Variants in ZNF366 observed in about 807,000 individuals in gnomAD.
ZNF366 encodes dendritic cell-specific transcript protein.
Under a neutral mutation model 47.2 loss-of-function variants are expected in ZNF366, and 20 were observed. The ratio of observed to expected loss-of-function variants is 0.42; its 90% confidence interval spans 0.30 to 0.62. The LOEUF (loss-of-function observed/expected upper bound fraction) is 0.62. Among genes scored for constraint, ZNF366 ranks in the 20% least tolerant of loss-of-function variants. ZNF366 has a pLI of 0.16. For missense variants in ZNF366, 987 were observed against 976.3 expected, an observed-to-expected ratio of 1.01 and a Z score of -0.15; for synonymous variants, 421 against 395.1, an observed-to-expected ratio of 1.07 and a Z score of -0.78.
rs754389356 is a variant in ZNF366 at position 72,444,083 on chromosome 5, G to C, written c.1908C>G (p.Ala636=). The C allele has an allele frequency of 1.2e-6, 2 of 1,614,152 alleles. No individual in the cohort carries two copies. The highest frequency in any genetic ancestry group is 1.7e-6 in the Non-Finnish European group (2 of 1,180,028). The change falls in exon 5 of 5, where the codon GCC becomes GCG. Residue 636 remains alanine, a synonymous_variant. Coordinates refer to ENST00000318442, the MANE Select transcript of ZNF366 (RefSeq NM_152625.3). The part of the protein sequence containing the change: ...YEVEPYSPGL[A]PQSQQLCTPE... ...GTGTGCAGAGCTGCTGGCTCTGGGG[G>C]GCCAGGCCAGGGCTGTAGGGCTCCA...
At chr5:72,450,921 G>A (rs1561190059) in intron 3 of ZNF366, among the ~76,000 whole-genome samples, 1 of 152,214 alleles carries the variant, frequency 6.6e-6, no homozygotes, top group East Asian at 1.9e-4. Context: ...CTTGGGTGGA[G>A]CCTGAGATGT....
chr5:72,486,028 C>G lies in ZNF366; in HGVS notation c.-15+21223G>C, dbSNP rs74927189. Among the ~76,000 whole-genome samples, 1,157 of 152,334 alleles carry G rather than the reference C, an allele frequency of 7.6e-3. 10 individuals carry two copies. The highest frequency in any genetic ancestry group is 0.048 in the Middle Eastern group (14 of 294). On this transcript the variant is annotated intron_variant, in intron 1 of 4. Coordinates refer to ENST00000318442, the MANE Select transcript of ZNF366 (RefSeq NM_152625.3). Reference sequence around the variant, plus strand: ...CTCTGGCTATCAAGCACTCCGTATTCTCTCTCCTTCCTGACTTAATTTTTC... The same window carrying G: ...CTCTGGCTATCAAGCACTCCGTATTGTCTCTCCTTCCTGACTTAATTTTTC...
chr5:72,471,686 G>T (rs554042944), intron 1 of ZNF366, among the ~76,000 whole-genome samples: 9 of 152,158 alleles, frequency 5.9e-5, no homozygotes, highest in Non-Finnish European at 1.3e-4. Flanking sequence ...CACTGTAGAT[G>T]ACTTAGCTAT....
At chr5:72,485,479 C>T (rs1359455536) in intron 1 of ZNF366, among the ~76,000 whole-genome samples, 4 of 152,160 alleles carry the variant, frequency 2.6e-5, no homozygotes, top group African/African-American at 9.7e-5. Flanking sequence ...GCAAATCCTA[C>T]GGGCTCCATT....
chr5:72,487,786 G>A (rs568623453), intron 1 of ZNF366, among the ~76,000 whole-genome samples: 5 of 152,210 alleles, frequency 3.3e-5, no homozygotes, highest in African/African-American at 1.2e-4. Context: ...GACAAATATG[G>A]GTATTTTGCA....
chr5:72,464,973 G>T (rs1743401183), intron 1 of ZNF366, among the ~76,000 whole-genome samples: 1 of 151,790 alleles, frequency 6.6e-6, no homozygotes, highest in Non-Finnish European at 1.5e-5. Context: ...CAGGACGATT[G>T]CTTGAACCCA....
chr5:72,495,838 A>C lies in ZNF366; in HGVS notation c.-15+11413T>G, dbSNP rs1405211369. ...ACCTGGGTCTCAACCACCCCACCCC[A>C]CCCTGGTACAAAAAGGAAATACAGT... On this transcript the variant is annotated intron_variant, in intron 1 of 4. Transcript: ENST00000318442. Among the ~76,000 whole-genome samples, 5 of 151,922 alleles carry C rather than the reference A, an allele frequency of 3.3e-5. No individual in the cohort carries two copies. The East Asian group carries it at 9.7e-4, about 29-fold the overall frequency.
intron 1 of ZNF366, among the ~76,000 whole-genome samples, chr5:72,469,620 G>A (rs1743516601): frequency 6.6e-6 from 1 of 152,196 alleles, no homozygotes; most frequent in South Asian, 2.1e-4. Context: ...TTTTGTGTGT[G>A]TATAGTCTAT....
In ZNF366 at chr5:72,440,976, A is replaced by G. The variant is rs1561186030; in HGVS notation, c.*2780T>C. On this transcript the variant is annotated 3_prime_UTR_variant, in exon 5 of 5. Transcript: ENST00000318442. ...TGCCTCCAAATAAAATTTTACTTAG[A>G]ATGCTAATGTATAAATCAGATGGAA... 6.6e-6 allele frequency: 1 copy of G among 152,254 alleles called. No individual in the cohort carries two copies. Among genetic ancestry groups the G allele is most frequent in the East Asian group, 1.9e-4 (1 of 5,196 alleles). The allele number at this position is 152,254 out of a possible 1,614,324, so 9.4% of individuals were successfully genotyped here.
intron 1 of ZNF366, among the ~76,000 whole-genome samples, chr5:72,491,122 T>A (rs1189537179): frequency 6.6e-6 from 1 of 152,192 alleles, no homozygotes; most frequent in Non-Finnish European, 1.5e-5. Context: ...GGGTAGGGAT[T>A]GGTTAGAAAG....
chr5:72,468,534 G>C (rs538412941), intron 1 of ZNF366, among the ~76,000 whole-genome samples: 281 of 152,258 alleles, frequency 1.8e-3, no homozygotes, highest in Non-Finnish European at 3.4e-3. Context: ...AAGTTTAGTT[G>C]TGTATTGTTT....
chr5:72,468,449 C>T (rs367639667), intron 1 of ZNF366, among the ~76,000 whole-genome samples: 18 of 152,174 alleles, frequency 1.2e-4, no homozygotes, highest in African/African-American at 3.9e-4. Flanking sequence ...CTTGTTCACA[C>T]GTGAAACAGC....
chr5:72,442,346 A>T lies in ZNF366; in HGVS notation c.*1410T>A, dbSNP rs1027730856. On this transcript the variant is annotated 3_prime_UTR_variant, in exon 5 of 5. Transcript: ENST00000318442. The stretch of plus-strand genomic sequence containing the variant: ...ATCTTGGCTGCACATAAGAATTGCC[A>T]GGAGCAATTTGGAAAATTTCAGTCC... 1 of 152,232 alleles carries T rather than the reference A, an allele frequency of 6.6e-6. No homozygotes were observed. The highest frequency in any genetic ancestry group is 1.5e-5 in the Non-Finnish European group (1 of 68,042). 9.4% of individuals were successfully genotyped at this position (152,232 alleles called of 1,614,324 possible).
At chr5:72,451,980 G>A (rs888884091) in intron 3 of ZNF366, among the ~76,000 whole-genome samples, 2 of 152,234 alleles carry the variant, frequency 1.3e-5, no homozygotes, top group Non-Finnish European at 2.9e-5. Flanking sequence ...CATGCTGACA[G>A]CCATGGAGAA....
intron 2 of ZNF366, among the ~76,000 whole-genome samples, chr5:72,458,148 C>G (rs919126980): frequency 6.6e-6 from 1 of 151,340 alleles, no homozygotes; most frequent in Non-Finnish European, 1.5e-5. Flanking sequence ...TTCCGAGTAG[C>G]TGGAACTACA....
chr5:72,501,488 A>G (rs564314314), intron 1 of ZNF366, among the ~76,000 whole-genome samples: 3 of 152,340 alleles, frequency 2.0e-5, no homozygotes, highest in African/African-American at 7.2e-5. Flanking sequence ...TAAATTTGCC[A>G]AATAAGTATA....
At chr5:72,446,250 G>C (rs1001793407) in intron 4 of ZNF366, among the ~76,000 whole-genome samples, 1 of 152,184 alleles carries the variant, frequency 6.6e-6, no homozygotes, top group Non-Finnish European at 1.5e-5. Context: ...GAATAACACA[G>C]TCTCTTTCAC....
intron 1 of ZNF366, among the ~76,000 whole-genome samples, chr5:72,496,894 T>C (rs2112355353): frequency 6.6e-6 from 1 of 152,346 alleles, no homozygotes; most frequent in East Asian, 1.9e-4. Context: ...AACAATATTG[T>C]ATATCTTTGA....
chr5:72,467,400 T>A (rs1013417440), intron 1 of ZNF366, among the ~76,000 whole-genome samples: 1 of 152,138 alleles, frequency 6.6e-6, no homozygotes, highest in Non-Finnish European at 1.5e-5. Flanking sequence ...CTTTGACCCA[T>A]AAGGACCAAT....
Sources: gnomAD v4.1 joint callset for allele counts (sites outside exome capture counted in the v4.1 genomes callset) on GRCh38, gnomAD v4.1.1 for gene constraint, MANE v1.5 for transcripts, NCBI Gene and HGNC (gene_info 2026-07-23, HGNC 2026-07-21) for gene names.